PLEK2: variants seen among roughly 807,000 people sequenced by gnomAD.
PLEK2 encodes the protein pleckstrin-2.
A neutral mutation model predicts 43.8 loss-of-function variants in PLEK2; 29 were observed. The observed-to-expected ratio is 0.66, with a 90% CI of 0.49 to 0.90. The LOEUF is 0.90. PLEK2 is among the 40% of genes least tolerant of loss of function. The pLI, the probability that PLEK2 is intolerant of heterozygous loss-of-function variation, is 0.00. For synonymous variants in PLEK2, 162 were observed against 173.2 expected (o/e 0.94, Z 0.51); for missense variants, 398 against 448.1 (o/e 0.89, Z 1.01).
intron 7 of PLEK2, among the ~76,000 whole-genome samples, chr14:67,388,712 CTCTG>C (rs1237674425): frequency 1.3e-4 from 20 of 152,254 alleles, no homozygotes; most frequent in African/African-American, 4.8e-4. Context: ...CGGAGTCTCA[CTCTG>C]TCTTTCAGGC....
At chr14:67,403,299 AG>A (rs1422840748) in intron 1 of PLEK2, among the ~76,000 whole-genome samples, 1 of 152,228 alleles carries the variant, frequency 6.6e-6, no homozygotes, top group Non-Finnish European at 1.5e-5. Context: ...TGGGAAAACA[AG>A]AAATTTTGGC....
At chr14:67,388,168 A>C (rs933540493) in intron 8 of PLEK2, 56 bp downstream of exon 8, 27 of 1,068,832 alleles carry the variant, frequency 2.5e-5, no homozygotes, top group Non-Finnish European at 3.7e-5. Context: ...GACATTACTG[A>C]GGTGCAGGAG....
Position 67,388,273 on chromosome 14 carries a change from A to G in PLEK2, c.885T>C (p.Ser295=), listed in dbSNP as rs1052904093. 5 of 1,613,310 alleles carry G rather than the reference A, an allele frequency of 3.1e-6. No homozygotes were observed. Among genetic ancestry groups the G allele is most frequent in the Non-Finnish European group, 4.2e-6 (5 of 1,179,364 alleles). The change falls in exon 8 of 9, where the codon TCT becomes TCC. Residue 295 remains serine (S), a synonymous_variant. Transcript: ENST00000216446. ...KEENRPVGGF[S]LRGSLVSALE... Reference sequence around the variant, plus strand: ...GAGCAGACACGAGTGAACCACGAAGAGAAAACCCACCCACTGGCCTGTTCT... The same window carrying G: ...GAGCAGACACGAGTGAACCACGAAGGGAAAACCCACCCACTGGCCTGTTCT...
At position 67,387,359 on chromosome 14, in the gene PLEK2, C is replaced by T. The variant is rs755877362; in HGVS notation, c.1032G>A (p.Glu344=). 1.5e-5 allele frequency: 24 copies of T among 1,611,370 alleles called. No individual in the cohort carries two copies. In the South Asian group the frequency reaches 2.4e-4, roughly 16 times the overall value. The change falls in exon 9 of 9, where the codon GAG becomes GAA. Residue 344 remains glutamate, a synonymous_variant. Coordinates refer to ENST00000216446, the MANE Select transcript of PLEK2 (RefSeq NM_016445.3). ...TTAGCTTTTTGATAGCTTCAATCCA[C>T]TCGGCTCGCTCAGCCTTGCTGCTGG... ...IQASSKAERA[E]WIEAIKKLT
chr14:67,392,907 G>C (rs1476881936), intron 4 of PLEK2, 58 bp from the exon 5 acceptor site: 24 of 1,419,780 alleles, frequency 1.7e-5, no homozygotes, highest in Non-Finnish European at 2.2e-5. Context: ...CTTGGGGTGT[G>C]TGGCCAATGA....
In PLEK2 at chr14:67,390,660, C is replaced by T. The variant is rs925227820; in HGVS notation, c.855+3G>A. ...CCAACATGGAGCCAGCATGCGCACT[C>T]ACTTTGGAAGGGTCATAGTAATGCA... On this transcript the variant is annotated splice_donor_region_variant and intron_variant, in intron 7 of 8. Transcript: ENST00000216446. 5 of 1,602,566 alleles carry T rather than the reference C, an allele frequency of 3.1e-6. No homozygotes were observed. Among genetic ancestry groups the T allele is most frequent in the South Asian group, 1.1e-5 (1 of 90,882 alleles).
intron 1 of PLEK2, among the ~76,000 whole-genome samples, chr14:67,401,928 C>G (rs1317244774): frequency 2.6e-5 from 4 of 152,106 alleles, no homozygotes; most frequent in African/African-American, 9.7e-5. Flanking sequence ...GTCAGGAGTT[C>G]GAGAGCAGTC....
chr14:67,399,594 A>G (rs113357436), intron 1 of PLEK2, among the ~76,000 whole-genome samples: 33 of 135,256 alleles, frequency 2.4e-4, no homozygotes, highest in Middle Eastern at 4.2e-3. Context: ...AGAGAAGGGT[A>G]GTTTAGGTGG....
At chr14:67,402,738 T>C (rs1329437197) in intron 1 of PLEK2, among the ~76,000 whole-genome samples, 4 of 152,168 alleles carry the variant, frequency 2.6e-5, no homozygotes, top group African/African-American at 4.8e-5. Context: ...TCCATCCACA[T>C]TGTTGCAAAT....
At chr14:67,399,097 T>C (rs975921310) in intron 1 of PLEK2, among the ~76,000 whole-genome samples, 2 of 152,256 alleles carry the variant, frequency 1.3e-5, no homozygotes, top group Non-Finnish European at 2.9e-5. Flanking sequence ...AGTCAAAGGA[T>C]GTGGGCAATA....
At chr14:67,396,339 G>T (rs1425601475) in intron 2 of PLEK2, among the ~76,000 whole-genome samples, 1 of 150,874 alleles carries the variant, frequency 6.6e-6, no homozygotes, top group African/African-American at 2.5e-5. Context: ...GTAGAGACGG[G>T]GTTTCACCAT....
At position 67,387,164 on chromosome 14, in the gene PLEK2, T is replaced by C; in HGVS notation, c.*165A>G. ...TGTAACATGAAGATGGGGAAGGAAA[T>C]GGCACCACTGCTGTTTGTAATCTGA... On this transcript the variant is annotated 3_prime_UTR_variant, in exon 9 of 9. Coordinates refer to ENST00000216446, the MANE Select transcript of PLEK2 (RefSeq NM_016445.3). 1.7e-6 allele frequency: 1 copy of C among 585,414 alleles called. No homozygotes were observed. Among genetic ancestry groups the C allele is most frequent in the South Asian group, 2.6e-5 (1 of 38,882 alleles). The allele number at this position is 585,414 out of a possible 1,614,324, so 36.3% of individuals were successfully genotyped here. A position where few individuals can be genotyped will look rare whatever the true frequency, so the allele number is the denominator to read the frequency against.
chr14:67,388,206 G>T lies in PLEK2; in HGVS notation c.934+18C>A, dbSNP rs561299115. ...AGGCCCCTGAGATCTTCAGGCCAGG[G>T]CTGAAGTTGTACCTTACCAGTGGGA... On this transcript the variant is annotated intron_variant, in intron 8 of 8. Coordinates refer to ENST00000216446, the MANE Select transcript of PLEK2 (RefSeq NM_016445.3). 1.3e-6 allele frequency: 2 copies of T among 1,568,780 alleles called. No homozygotes were observed. Among genetic ancestry groups the T allele is most frequent in the Non-Finnish European group, 1.8e-6 (2 of 1,138,750 alleles).
Position 67,395,463 on chromosome 14 carries a change from T to C in PLEK2, c.328A>G (p.Lys110Glu). 6.2e-7 allele frequency: 1 copy of C among 1,613,894 alleles called. No homozygotes were observed. Among genetic ancestry groups the C allele is most frequent in the Non-Finnish European group, 8.5e-7 (1 of 1,179,880 alleles). ...TGAIHAGQPGKVQQLHSLRNS... is the reference protein window; with the variant it reads ...TGAIHAGQPGEVQQLHSLRNS... ...CTCAGGCTGTGCAGCTGCTGGACCT[T>C]CCCCGGCTGCCCTGCATGAATAGCC... is the stretch of plus-strand genomic sequence containing the variant. Residue 110 changes from lysine (K) to glutamate (E), a missense_variant, in exon 3 of 9, where the codon AAG becomes GAG. Coordinates refer to ENST00000216446, the MANE Select transcript of PLEK2 (RefSeq NM_016445.3).
chr14:67,396,176 C>G (rs1047340090), intron 2 of PLEK2, among the ~76,000 whole-genome samples: 5 of 151,658 alleles, frequency 3.3e-5, no homozygotes, highest in Admixed American at 2.6e-4. Context: ...GAGACGGAGT[C>G]TTGCTCTGTC....
intron 6 of PLEK2, among the ~76,000 whole-genome samples, chr14:67,391,296 TGTGTG>T (rs1202730842): frequency 2.0e-5 from 3 of 151,384 alleles, no homozygotes; most frequent in African/African-American, 7.3e-5. Context: ...TGTGTGTGTG[TGTGTG>T]TGTGACTTTC....
Position 67,387,462 on chromosome 14 carries a change from CA to C in PLEK2, c.935-7del, listed in dbSNP as rs1566621309. ...CTGGACATTCCCTTTAACCCCTAGG[CA>C]GAAAAAAGGGGGAAAAAAATCAGTG... On this transcript the variant is annotated splice_polypyrimidine_tract_variant and splice_region_variant and intron_variant, in intron 8 of 8. Coordinates refer to ENST00000216446, the MANE Select transcript of PLEK2 (RefSeq NM_016445.3). 1 of 1,595,662 alleles carries C rather than the reference CA, an allele frequency of 6.3e-7. No individual in the cohort carries two copies. The highest frequency in any genetic ancestry group is 8.5e-7 in the Non-Finnish European group (1 of 1,173,726).
At chr14:67,407,452 T>A (rs2086086513) in intron 1 of PLEK2, among the ~76,000 whole-genome samples, 1 of 151,202 alleles carries the variant, frequency 6.6e-6, no homozygotes. Context: ...TTAAAAAAAA[T>A]GTTTTTGAGG....
chr14:67,392,657 C>T lies in PLEK2; in HGVS notation c.669+5G>A, dbSNP rs1018707884. On this transcript the variant is annotated splice_donor_5th_base_variant and intron_variant, in intron 5 of 8. Coordinates refer to ENST00000216446, the MANE Select transcript of PLEK2 (RefSeq NM_016445.3). ...GTGGCAAGAAGAACCCACTCCCCAACTTACAAAAGTGTACAGGGCTGTGGA... is the reference window on the plus strand; with the variant it reads ...GTGGCAAGAAGAACCCACTCCCCAATTTACAAAAGTGTACAGGGCTGTGGA... 2 of 1,607,258 alleles carry T rather than the reference C, an allele frequency of 1.2e-6. No homozygotes were observed. Among genetic ancestry groups the T allele is most frequent in the Non-Finnish European group, 1.7e-6 (2 of 1,175,330 alleles).
Sources: allele counts gnomAD v4.1 joint callset (sites outside exome capture counted in the v4.1 genomes callset), GRCh38; gene constraint gnomAD v4.1.1; transcripts MANE v1.5; gene names NCBI Gene and HGNC (gene_info 2026-07-23, HGNC 2026-07-21).